The following SYNE2 variants were observed in gnomAD, a reference collection of about 807,000 sequenced individuals.
SYNE2 encodes the protein nesprin-2.
SYNE2 carries 431 observed loss-of-function variants against 856.3 expected under a neutral mutation model. That is an observed-to-expected ratio of 0.50 (90% CI 0.47 to 0.55). The LOEUF is 0.55. SYNE2 is among the 20% of genes least tolerant of loss of function. The pLI is 0.00. For synonymous variants in SYNE2, 2,923 were observed against 2,872.3 expected, an observed-to-expected ratio of 1.02 and a Z score of -0.56; for missense variants, 8,129 against 8,023.2, an observed-to-expected ratio of 1.01 and a Z score of -0.50.
chr14:63,937,107 A>T (rs1276522353), intron 2 of SYNE2, among the ~76,000 whole-genome samples: 3 of 152,080 alleles, frequency 2.0e-5, no homozygotes, highest in Non-Finnish European at 4.4e-5. Flanking sequence ...TTTTCATGAG[A>T]GTGTGTCATC....
At chr14:63,948,782 G>GTATATGTA (rs2096090782) in intron 6 of SYNE2, among the ~76,000 whole-genome samples, 1 of 43,906 alleles carries the variant, frequency 2.3e-5, no homozygotes, top group Non-Finnish European at 4.5e-5. Flanking sequence ...ATGTGTGTGT[G>GTATATGTA]TATATATATA....
chr14:64,117,392 C>A (rs998322077), intron 66 of SYNE2, among the ~76,000 whole-genome samples: 5 of 152,094 alleles, frequency 3.3e-5, no homozygotes, highest in East Asian at 3.9e-4. Flanking sequence ...CTTGACCTGA[C>A]GGGCTCAGGC....
At chr14:63,945,888 G>A (rs113447374) in intron 6 of SYNE2, among the ~76,000 whole-genome samples, 3 of 152,246 alleles carry the variant, frequency 2.0e-5, no homozygotes, top group South Asian at 2.1e-4. Flanking sequence ...TGCTCAGAAC[G>A]TTCTTGTATA....
intron 67 of SYNE2, among the ~76,000 whole-genome samples, chr14:64,120,190 A>G (rs1447865266): frequency 3.3e-5 from 5 of 152,232 alleles, no homozygotes; most frequent in Admixed American, 3.3e-4. Flanking sequence ...ATTTATGTTC[A>G]CAGAAATAAG....
intron 11 of SYNE2, among the ~76,000 whole-genome samples, chr14:63,971,665 C>T (rs1182643749): frequency 2.0e-5 from 3 of 150,912 alleles, no homozygotes; most frequent in African/African-American, 4.9e-5. Flanking sequence ...TAGGTATTTC[C>T]CATGTTCTTA....
At chr14:64,017,228 C>G (rs2096898985) in intron 33 of SYNE2, among the ~76,000 whole-genome samples, 1 of 145,688 alleles carries the variant, frequency 6.9e-6, no homozygotes, top group Non-Finnish European at 1.5e-5. Flanking sequence ...ACACGGGAGG[C>G]TGAGGCAGGA....
At chr14:63,924,834 G>GTTTTTTTTTTTTTTTTTTTTTTTT in intron 2 of SYNE2, among the ~76,000 whole-genome samples, 1 of 56,416 alleles carries the variant, frequency 1.8e-5, no homozygotes, top group Non-Finnish European at 3.7e-5. Flanking sequence ...CAGCCTTGGT[G>GTTTTTTTTTTTTTTTTTTTTTTTT]TTTTTTTTTT....
At chr14:64,004,295 A>G (rs981294918) in intron 30 of SYNE2, among the ~76,000 whole-genome samples, 5 of 150,678 alleles carry the variant, frequency 3.3e-5, no homozygotes, top group African/African-American at 1.2e-4. Context: ...TGGCCTCCTA[A>G]AGTGCTGGGA....
At chr14:64,026,207 C>T (rs1000453523) in intron 41 of SYNE2, among the ~76,000 whole-genome samples, 3 of 152,104 alleles carry the variant, frequency 2.0e-5, no homozygotes, top group African/African-American at 7.2e-5. Context: ...ACTGTATTTT[C>T]CTATGGGAAG....
At chr14:64,007,720 T>C (rs1261487511) in intron 31 of SYNE2, among the ~76,000 whole-genome samples, 5 of 151,780 alleles carry the variant, frequency 3.3e-5, no homozygotes. Flanking sequence ...CTACAAAATA[T>C]AAAAAAATTG....
intron 110 of SYNE2, among the ~76,000 whole-genome samples, chr14:64,219,941 T>G (rs1387915379): frequency 6.6e-6 from 1 of 152,178 alleles, no homozygotes; most frequent in African/African-American, 2.4e-5. Flanking sequence ...AGGGACAGTT[T>G]GAGCCCTGCG....
intron 58 of SYNE2, among the ~76,000 whole-genome samples, chr14:64,088,479 C>G (rs77895041): frequency 0.041 from 6,240 of 152,158 alleles, 445 homozygotes; most frequent in African/African-American, 0.14. Context: ...ATAGTTCTGG[C>G]TGGGCGTGGT....
chr14:64,030,298 G>C (rs2097022716), intron 44 of SYNE2, among the ~76,000 whole-genome samples: 1 of 152,188 alleles, frequency 6.6e-6, no homozygotes, highest in African/African-American at 2.4e-5. Context: ...CCACTAGACT[G>C]TAGCACCTTG....
At chr14:64,038,422 T>A (rs2097118944) in intron 45 of SYNE2, among the ~76,000 whole-genome samples, 2 of 152,372 alleles carry the variant, frequency 1.3e-5, no homozygotes, top group Admixed American at 1.3e-4. Flanking sequence ...GAGACACTCC[T>A]CACTTCCCAG....
intron 82 of SYNE2, among the ~76,000 whole-genome samples, chr14:64,143,081 G>A (rs1287409968): frequency 6.6e-6 from 1 of 152,318 alleles, no homozygotes; most frequent in East Asian, 1.9e-4. Context: ...TCAGTGTGTA[G>A]TAAAATCTTC....
At chr14:64,017,495 A>G (rs1295963293) in intron 33 of SYNE2, 100 bp from the exon 34 acceptor site, 2 of 1,011,012 alleles carry the variant, frequency 2.0e-6, no homozygotes, top group African/African-American at 1.6e-5. Flanking sequence ...ATCCAGTAAT[A>G]GTAAACTAAA....
chr14:64,182,776 G>A (rs2098464864), intron 96 of SYNE2, among the ~76,000 whole-genome samples: 1 of 152,224 alleles, frequency 6.6e-6, no homozygotes, highest in South Asian at 2.1e-4. Context: ...AGTCTCCTAT[G>A]TCTACTTCTT....
chr14:63,815,910 T>C (rs1888963584), intron 1 of SYNE2, among the ~76,000 whole-genome samples: 1 of 152,092 alleles, frequency 6.6e-6, no homozygotes, highest in South Asian at 2.1e-4. Context: ...ACCTTTGTTT[T>C]TCTTTTGTTT....
At chr14:64,171,812 GCATTT>G (rs1262354145) in intron 94 of SYNE2, among the ~76,000 whole-genome samples, 32 of 152,202 alleles carry the variant, frequency 2.1e-4, no homozygotes, top group African/African-American at 6.5e-4. Flanking sequence ...AGCCTTTGAA[GCATTT>G]CAGCTGAGGG....
Sources: gnomAD v4.1 joint callset for allele counts (sites outside exome capture counted in the v4.1 genomes callset) on GRCh38, gnomAD v4.1.1 for gene constraint, MANE v1.5 for transcripts, NCBI Gene and HGNC (gene_info 2026-07-23, HGNC 2026-07-21) for gene names.